The following DGKB variants were observed in gnomAD, a reference collection of about 807,000 sequenced individuals.
DGKB encodes 90 kDa diacylglycerol kinase.
A neutral mutation model predicts 114.3 loss-of-function variants in DGKB; 67 were observed. The observed-to-expected ratio is 0.59, with a 90% CI of 0.48 to 0.72. The LOEUF is 0.72. Ranked by LOEUF, DGKB falls within the 30% of genes least tolerant of loss-of-function variation. The pLI, the probability that DGKB is intolerant of heterozygous loss-of-function variation, is 0.00. For synonymous variants in DGKB, 398 were observed against 323.1 expected, an observed-to-expected ratio of 1.23 and a Z score of -2.49; for missense variants, 907 against 975.2, an observed-to-expected ratio of 0.93 and a Z score of 0.93.
intron 21 of DGKB, among the ~76,000 whole-genome samples, chr7:14,444,670 T>C (rs1303704309): frequency 2.0e-5 from 3 of 151,904 alleles, no homozygotes; most frequent in Non-Finnish European, 4.4e-5. Flanking sequence ...TCAGACATTT[T>C]TATCCTCAAA....
At chr7:14,607,772 A>G (rs1804787067) in intron 16 of DGKB, among the ~76,000 whole-genome samples, 1 of 152,026 alleles carries the variant, frequency 6.6e-6, no homozygotes, top group Non-Finnish European at 1.5e-5. Flanking sequence ...CTTAATATGC[A>G]CATACATTTA....
chr7:14,804,443 G>C (rs564676814), intron 2 of DGKB, among the ~76,000 whole-genome samples: 1 of 151,770 alleles, frequency 6.6e-6, no homozygotes, highest in Non-Finnish European at 1.5e-5. Context: ...ACCTATGTAC[G>C]TATGTATTAT....
intron 5 of DGKB, among the ~76,000 whole-genome samples, chr7:14,733,669 C>G (rs1445721691): frequency 3.3e-5 from 5 of 150,968 alleles, no homozygotes; most frequent in Non-Finnish European, 7.4e-5. Context: ...GCCTGAGACC[C>G]TGTGTCAGAA....
At chr7:14,336,154 A>G (rs970388523) in intron 23 of DGKB, among the ~76,000 whole-genome samples, 1 of 152,202 alleles carries the variant, frequency 6.6e-6, no homozygotes, top group Non-Finnish European at 1.5e-5. Context: ...GTTTTTGGCT[A>G]TTAAGTATAA....
intron 21 of DGKB, among the ~76,000 whole-genome samples, chr7:14,367,060 G>C (rs1455734877): frequency 1.3e-5 from 2 of 152,108 alleles, no homozygotes; most frequent in Admixed American, 6.6e-5. Context: ...TCCCAGGCTA[G>C]AGACATGCGG....
chr7:14,723,798 G>C (rs1829618839), intron 5 of DGKB, among the ~76,000 whole-genome samples: 1 of 152,096 alleles, frequency 6.6e-6, no homozygotes, highest in Admixed American at 6.5e-5. Flanking sequence ...GTTATAAAAA[G>C]TAGTTAGCAT....
intron 23 of DGKB, among the ~76,000 whole-genome samples, chr7:14,253,128 G>A (rs1173653080): frequency 4.0e-5 from 6 of 151,788 alleles, no homozygotes; most frequent in South Asian, 2.1e-4. Context: ...TCCGCCTCCC[G>A]GGTTCAAGCG....
chr7:14,198,593 C>T (rs928708304), intron 23 of DGKB, among the ~76,000 whole-genome samples: 2 of 152,008 alleles, frequency 1.3e-5, no homozygotes, highest in East Asian at 3.9e-4. Flanking sequence ...AATAAGCCTG[C>T]CTGATCTCTT....
At chr7:14,651,009 C>A (rs186997160) in intron 13 of DGKB, among the ~76,000 whole-genome samples, 4,651 of 152,132 alleles carry the variant, frequency 0.031, 249 homozygotes, top group African/African-American at 0.11. Context: ...TAATCAATAG[C>A]TTACCAACCA....
intron 1 of DGKB, among the ~76,000 whole-genome samples, chr7:14,956,148 A>C (rs945803761): frequency 6.6e-6 from 1 of 152,160 alleles, no homozygotes; most frequent in South Asian, 2.1e-4. Flanking sequence ...GATAACCGAT[A>C]GATGTAAAAA....
At chr7:14,742,470 G>T (rs1832717115) in intron 4 of DGKB, among the ~76,000 whole-genome samples, 1 of 152,112 alleles carries the variant, frequency 6.6e-6, no homozygotes, top group Non-Finnish European at 1.5e-5. Flanking sequence ...AAGTCTTAAA[G>T]ATTATTGGTA....
In DGKB at chr7:14,397,973, A is replaced by C. The variant is rs954291029; in HGVS notation, c.1836-52582T>G. On this transcript the variant is annotated intron_variant, in intron 21 of 25. Coordinates refer to ENST00000402815, the MANE Select transcript of DGKB (RefSeq NM_001350709.2). The stretch of plus-strand genomic sequence containing the variant: ...GGTACAAAACAGTGGTGCAAAAAAT[A>C]GTGTTGCAAAAAATCTGATTTCAGA... 1.1e-4 allele frequency among the ~76,000 whole-genome samples: 17 copies of C among 152,244 alleles called. 3 individuals carry two copies. Among genetic ancestry groups the C allele is most frequent in the East Asian group, 9.7e-4 (5 of 5,180 alleles).
At position 14,219,583 on chromosome 7, in the gene DGKB, T is replaced by C. The variant is rs1789579561; in HGVS notation, c.2123-41432A>G. Among the ~76,000 whole-genome samples the C allele has an allele frequency of 4.0e-5, 6 of 151,834 alleles. No individual in the cohort carries two copies. In the South Asian group the frequency reaches 1.0e-3, roughly 26 times the overall value. Reference sequence around the variant, plus strand: ...ACGTATATATACCATTTCTATGTGTTCTTTGGATAAATGTCTATTAAGGAC... The same window carrying C: ...ACGTATATATACCATTTCTATGTGTCCTTTGGATAAATGTCTATTAAGGAC... On this transcript the variant is annotated intron_variant, in intron 23 of 25. Transcript: ENST00000402815.
intron 2 of DGKB, among the ~76,000 whole-genome samples, chr7:14,801,242 G>C (rs932775222): frequency 6.6e-6 from 1 of 152,116 alleles, no homozygotes; most frequent in East Asian, 1.9e-4. Flanking sequence ...AAAGACCAGC[G>C]CATTTTCAGT....
At chr7:14,933,196 T>C (rs1162498674) in intron 1 of DGKB, among the ~76,000 whole-genome samples, 1 of 152,212 alleles carries the variant, frequency 6.6e-6, no homozygotes, top group African/African-American at 2.4e-5. Context: ...TCCCTGTTAA[T>C]CTACTACTAA....
In DGKB at chr7:14,417,455, C is replaced by T. The variant is rs541330591; in HGVS notation, c.1835+60706G>A. On this transcript the variant is annotated intron_variant, in intron 21 of 25. Transcript: ENST00000402815. ...AAGAGCTGTTAGAATTATGAGGTATCCACTAATTCAGAATATTAAATTTGA... is the reference window on the plus strand; with the variant it reads ...AAGAGCTGTTAGAATTATGAGGTATTCACTAATTCAGAATATTAAATTTGA... 5.9e-5 allele frequency among the ~76,000 whole-genome samples: 9 copies of T among 152,066 alleles called. No homozygotes were observed. The East Asian group carries it at 1.7e-3, about 29-fold the overall frequency.
At chr7:14,527,573 C>G (rs1237929575) in intron 20 of DGKB, among the ~76,000 whole-genome samples, 2 of 151,966 alleles carry the variant, frequency 1.3e-5, no homozygotes, top group East Asian at 3.9e-4. Flanking sequence ...TCTCCAGATC[C>G]TTATGCATAC....
At chr7:14,830,519 C>T (rs761961751) in intron 2 of DGKB, among the ~76,000 whole-genome samples, 14 of 152,068 alleles carry the variant, frequency 9.2e-5, no homozygotes, top group Non-Finnish European at 1.6e-4. Flanking sequence ...GCATTTTATT[C>T]CTTTCCTGAT....
intron 23 of DGKB, chr7:14,209,613 A>G: frequency 2.4e-6 from 1 of 416,244 alleles, no homozygotes; most frequent in South Asian, 1.8e-5. Context: ...TTAAGAGGTA[A>G]GCTTTACCAA....
Sources: gnomAD v4.1 joint callset for allele counts (sites outside exome capture counted in the v4.1 genomes callset) on GRCh38, gnomAD v4.1.1 for gene constraint, MANE v1.5 for transcripts, NCBI Gene and HGNC (gene_info 2026-07-23, HGNC 2026-07-21) for gene names.